The following ANXA8 variants were observed in gnomAD, a reference collection of about 807,000 sequenced individuals.
ANXA8 encodes annexin A8.
Under a neutral mutation model 26.8 loss-of-function variants are expected in ANXA8, and 9 were observed. That is an observed-to-expected ratio of 0.34 (90% CI 0.20 to 0.59). ANXA8 has a LOEUF of 0.59. Among genes scored for constraint, ANXA8 ranks in the 20% least tolerant of loss-of-function variants. The pLI, the probability that ANXA8 is intolerant of heterozygous loss-of-function variation, is 0.84. For missense variants in ANXA8, 83 were observed against 238.5 expected (o/e 0.35, Z 4.29); for synonymous variants, 39 against 94.8 (o/e 0.41, Z 3.42).
chr10:47,597,670 A>AAG, the ANXA8 span, among the ~76,000 whole-genome samples: 3 of 139,418 alleles, frequency 2.2e-5, no homozygotes. Flanking sequence ...CCACAGAAAA[A>AAG]AAAAAAAAAG....
At chr10:47,684,984 A>G in the ANXA8 span, among the ~76,000 whole-genome samples, 14 of 150,610 alleles carry the variant, frequency 9.3e-5, no homozygotes, top group African/African-American at 3.5e-4. Context: ...GGCCCAGGGA[A>G]GCCAAAAGAT....
the ANXA8 span, among the ~76,000 whole-genome samples, chr10:47,951,966 C>G: frequency 2.0e-5 from 3 of 150,498 alleles, no homozygotes; most frequent in Non-Finnish European, 4.4e-5. Context: ...ATTGACCAAT[C>G]AATGAATGCA....
At chr10:47,907,384 A>T in the ANXA8 span, among the ~76,000 whole-genome samples, 49 of 150,666 alleles carry the variant, frequency 3.3e-4, no homozygotes, top group Non-Finnish European at 1.5e-4. Context: ...GAAATTAAGG[A>T]TTCAATTTTT....
the ANXA8 span, among the ~76,000 whole-genome samples, chr10:47,916,716 C>T: frequency 7.6e-6 from 1 of 132,372 alleles, no homozygotes. Context: ...TGTTCTCTGA[C>T]CCACAAGAGC....
chr10:47,605,745 C>G, the ANXA8 span, among the ~76,000 whole-genome samples: 1 of 150,094 alleles, frequency 6.7e-6, no homozygotes. Flanking sequence ...AGATTGTTTA[C>G]CAAGTAAAGA....
At chr10:47,511,183 T>C in the ANXA8 span, among the ~76,000 whole-genome samples, 1 of 138,066 alleles carries the variant, frequency 7.2e-6, no homozygotes, top group Non-Finnish European at 1.5e-5. Context: ...CACCTCGTGA[T>C]CTGCCTGCCT....
the ANXA8 span, among the ~76,000 whole-genome samples, chr10:47,733,163 T>A: frequency 1.0e-5 from 1 of 97,950 alleles, no homozygotes; most frequent in African/African-American, 3.4e-5. Flanking sequence ...CTTTCTTTCT[T>A]TCTTTCTTTC....
At chr10:47,663,226 G>T in the ANXA8 span, among the ~76,000 whole-genome samples, 12 of 148,428 alleles carry the variant, frequency 8.1e-5, 1 homozygote, top group African/African-American at 2.9e-4. Context: ...CGTTAATTGT[G>T]TTGGGTGGTT....
At chr10:47,689,527 A>C in the ANXA8 span, among the ~76,000 whole-genome samples, 1 of 151,926 alleles carries the variant, frequency 6.6e-6, no homozygotes, top group African/African-American at 2.4e-5. Context: ...ATTTCTCCTT[A>C]ATAATTTCTT....
chr10:47,975,279 C>T, the ANXA8 span, among the ~76,000 whole-genome samples: 99 of 149,574 alleles, frequency 6.6e-4, 1 homozygote, highest in African/African-American at 2.3e-3. Context: ...CGAAAGAATG[C>T]CATGTTCAAA....
chr10:47,546,127 C>T, the ANXA8 span, among the ~76,000 whole-genome samples: 2 of 130,132 alleles, frequency 1.5e-5, no homozygotes, highest in African/African-American at 2.8e-5. Flanking sequence ...AGGTCTCTGA[C>T]ATCCAAAGAA....
chr10:47,972,506 C>T, the ANXA8 span, among the ~76,000 whole-genome samples: 1 of 129,954 alleles, frequency 7.7e-6, no homozygotes, highest in East Asian at 2.1e-4. Flanking sequence ...AGGACCTGCC[C>T]TCTGCAAAGT....
At chr10:47,727,510 T>C in the ANXA8 span, among the ~76,000 whole-genome samples, 1 of 147,236 alleles carries the variant, frequency 6.8e-6, no homozygotes, top group Admixed American at 6.9e-5. Flanking sequence ...TAATTTTGAG[T>C]TGAATGCTGA....
chr10:47,668,232 G>C, the ANXA8 span, among the ~76,000 whole-genome samples: 3 of 151,084 alleles, frequency 2.0e-5, no homozygotes, highest in African/African-American at 7.4e-5. Flanking sequence ...TATTCTTTCT[G>C]ATAAATTTTC....
the ANXA8 span, among the ~76,000 whole-genome samples, chr10:47,907,218 G>T: frequency 7.9e-5 from 12 of 151,938 alleles, no homozygotes; most frequent in Non-Finnish European, 1.5e-4. Context: ...TTAGCCGGGC[G>T]TGGTGGCGGG....
chr10:47,937,160 C>A, the ANXA8 span, among the ~76,000 whole-genome samples: 7 of 149,990 alleles, frequency 4.7e-5, no homozygotes, highest in African/African-American at 1.7e-4. Flanking sequence ...CCCCCCACCA[C>A]CCAGAAGCTA....
At chr10:47,577,224 CAAAAA>C in the ANXA8 span, among the ~76,000 whole-genome samples, 2 of 110,866 alleles carry the variant, frequency 1.8e-5, no homozygotes, top group Non-Finnish European at 1.8e-5. Context: ...GACTCCATCT[CAAAAA>C]AAAAAAAAAA....
the ANXA8 span, among the ~76,000 whole-genome samples, chr10:47,506,402 C>A: frequency 1.4e-5 from 2 of 139,958 alleles, no homozygotes; most frequent in Non-Finnish European, 3.1e-5. Context: ...AAGATCTCGG[C>A]TCACTGCAAC....
the ANXA8 span, among the ~76,000 whole-genome samples, chr10:47,738,389 GAATC>G: frequency 7.0e-6 from 1 of 143,500 alleles, no homozygotes; most frequent in Non-Finnish European, 1.5e-5. Flanking sequence ...GATAAGTTTA[GAATC>G]ATTTTTATCC....
Sources: allele counts gnomAD v4.1 joint callset (sites outside exome capture counted in the v4.1 genomes callset), GRCh38; gene constraint gnomAD v4.1.1; transcripts MANE v1.5; gene names NCBI Gene and HGNC (gene_info 2026-07-23, HGNC 2026-07-21).